The following GALNT2 variants were observed in gnomAD, a reference collection of about 807,000 sequenced individuals.
GALNT2 encodes the protein polypeptide N-acetylgalactosaminyltransferase 2.
In GALNT2, 31 loss-of-function variants were observed where a neutral mutation model predicts 81.4. The observed-to-expected ratio is 0.38, with a 90% CI of 0.29 to 0.51. The LOEUF (loss-of-function observed/expected upper bound fraction) is 0.51, where lower values mean the gene tolerates loss of function less well. GALNT2 is among the 20% of genes least tolerant of loss of function. The pLI, the probability that GALNT2 is intolerant of heterozygous loss-of-function variation, is 0.87. For missense variants in GALNT2, 629 were observed against 765.7 expected (o/e 0.82, Z 2.11); for synonymous variants, 303 against 287.4 (o/e 1.05, Z -0.55).
intron 1 of GALNT2, among the ~76,000 whole-genome samples, chr1:230,124,663 G>C (rs1661119190): frequency 6.6e-6 from 1 of 152,176 alleles, no homozygotes; most frequent in Non-Finnish European, 1.5e-5. Flanking sequence ...CTGAAGTTTT[G>C]CAGATCCTTG....
chr1:230,149,297 C>T (rs1328052334), intron 1 of GALNT2, among the ~76,000 whole-genome samples: 4 of 152,230 alleles, frequency 2.6e-5, no homozygotes, highest in African/African-American at 4.8e-5. Flanking sequence ...GAGGACATTG[C>T]GAGGCCACCT....
intron 1 of GALNT2, among the ~76,000 whole-genome samples, chr1:230,106,450 C>T (rs752388743): frequency 1.1e-4 from 17 of 152,158 alleles, no homozygotes; most frequent in Non-Finnish European, 2.1e-4. Context: ...CCCACTGACC[C>T]GGAAACCCAG....
chr1:230,266,033 A>G (rs1357126739), intron 14 of GALNT2, among the ~76,000 whole-genome samples: 2 of 152,102 alleles, frequency 1.3e-5, no homozygotes, highest in African/African-American at 2.4e-5. Context: ...TCTGCTAAAA[A>G]TAAAAAAAAA....
At chr1:230,178,971 C>T (rs1234037316) in intron 2 of GALNT2, among the ~76,000 whole-genome samples, 1 of 151,862 alleles carries the variant, frequency 6.6e-6, no homozygotes, top group Non-Finnish European at 1.5e-5. Flanking sequence ...CCTTTTGTTG[C>T]CTCTGAAGTT....
At chr1:230,206,020 A>G (rs1427603324) in intron 3 of GALNT2, among the ~76,000 whole-genome samples, 4 of 152,232 alleles carry the variant, frequency 2.6e-5, no homozygotes, top group Admixed American at 2.6e-4. Context: ...GTCTAGCAGA[A>G]TCTAGTGCAG....
intron 1 of GALNT2, among the ~76,000 whole-genome samples, chr1:230,138,052 T>G (rs189930441): frequency 2.6e-5 from 4 of 152,306 alleles, no homozygotes; most frequent in African/African-American, 9.6e-5. Flanking sequence ...ACCTTGCATG[T>G]CGTTGCGTGC....
intron 1 of GALNT2, among the ~76,000 whole-genome samples, chr1:230,103,747 A>G (rs1318603729): frequency 6.6e-6 from 1 of 152,148 alleles, no homozygotes; most frequent in Non-Finnish European, 1.5e-5. Context: ...AAAAGCACAT[A>G]ATTATCATGT....
intron 1 of GALNT2, among the ~76,000 whole-genome samples, chr1:230,073,942 AG>A (rs1453910398): frequency 6.6e-6 from 1 of 152,078 alleles, no homozygotes; most frequent in Non-Finnish European, 1.5e-5. Context: ...CCTAACTCTT[AG>A]GGAAGAGGAA....
intron 9 of GALNT2, 53 bp from the exon 10 acceptor site, chr1:230,250,404 T>C: frequency 7.2e-7 from 1 of 1,397,992 alleles, no homozygotes; most frequent in Non-Finnish European, 1.0e-6. Flanking sequence ...GCTGGCAATC[T>C]AACCTTGACT....
chr1:230,249,055 T>G, intron 8 of GALNT2, 129 bp from the exon 9 acceptor site: 1 of 877,550 alleles, frequency 1.1e-6, no homozygotes. Context: ...CACCTTCTTT[T>G]TTGGCTTTGT....
intron 1 of GALNT2, among the ~76,000 whole-genome samples, chr1:230,059,293 A>G (rs1478468502): frequency 1.3e-5 from 2 of 152,264 alleles, no homozygotes; most frequent in Non-Finnish European, 1.5e-5. Context: ...TTACTGTACT[A>G]TACAGTCAGG....
chr1:230,166,874 G>A (rs981013874), intron 1 of GALNT2, among the ~76,000 whole-genome samples: 3 of 152,138 alleles, frequency 2.0e-5, no homozygotes, highest in African/African-American at 7.2e-5. Flanking sequence ...GAGTAAAAGA[G>A]AGAACATGCT....
At position 230,273,069 on chromosome 1, in the gene GALNT2, C is replaced by T. The variant is rs181398927; in HGVS notation, c.1441-1376C>T. 6.6e-5 allele frequency among the ~76,000 whole-genome samples: 10 copies of T among 152,276 alleles called. No homozygotes were observed. The East Asian group carries it at 1.2e-3, about 18-fold the overall frequency. On this transcript the variant is annotated intron_variant, in intron 14 of 15. Transcript: ENST00000366672. ...TATAGATAGGCCTGAGCCACCACAC[C>T]GGGCTGCATCTTCACCTTTTAATGT...
chr1:230,133,181 T>C (rs530446583), intron 1 of GALNT2, among the ~76,000 whole-genome samples: 1 of 152,366 alleles, frequency 6.6e-6, no homozygotes, highest in African/African-American at 2.4e-5. Flanking sequence ...TTGTAACTTA[T>C]GATGAACCTT....
At chr1:230,150,803 T>C (rs1385898902) in intron 1 of GALNT2, among the ~76,000 whole-genome samples, 1 of 152,218 alleles carries the variant, frequency 6.6e-6, no homozygotes, top group Non-Finnish European at 1.5e-5. Flanking sequence ...GCGTTCAGAA[T>C]GGGGGCTTTG....
At chr1:230,179,649 T>C (rs1254722281) in intron 2 of GALNT2, among the ~76,000 whole-genome samples, 1 of 152,252 alleles carries the variant, frequency 6.6e-6, no homozygotes, top group East Asian at 1.9e-4. Context: ...CAGTGGTTCA[T>C]TTTCTTATTG....
chr1:230,239,634 T>G (rs1160138053), intron 6 of GALNT2, among the ~76,000 whole-genome samples: 1 of 152,224 alleles, frequency 6.6e-6, no homozygotes, highest in Non-Finnish European at 1.5e-5. Flanking sequence ...CCACCCAGAT[T>G]GAGGGTAGTT....
chr1:230,215,184 A>T (rs991100941), intron 3 of GALNT2, among the ~76,000 whole-genome samples: 1 of 152,160 alleles, frequency 6.6e-6, no homozygotes. Flanking sequence ...GAAGTCTGGG[A>T]TATGTATCAG....
chr1:230,185,338 C>T (rs1663300951), intron 2 of GALNT2, among the ~76,000 whole-genome samples: 1 of 149,692 alleles, frequency 6.7e-6, no homozygotes, highest in Non-Finnish European at 1.5e-5. Context: ...TCTTAGTGTG[C>T]CTTGTAATTT....
Sources: allele counts gnomAD v4.1 joint callset (sites outside exome capture counted in the v4.1 genomes callset), GRCh38; gene constraint gnomAD v4.1.1; transcripts MANE v1.5; gene names NCBI Gene and HGNC (gene_info 2026-07-23, HGNC 2026-07-21).